ABLIM2: variants seen among roughly 807,000 people sequenced by gnomAD.
The protein encoded by ABLIM2 is actin binding LIM protein family member 2.
A neutral mutation model predicts 97.7 loss-of-function variants in ABLIM2; 53 were observed. The observed-to-expected ratio is 0.54, with a 90% CI of 0.44 to 0.68. The LOEUF is 0.68. ABLIM2 is among the 30% of genes least tolerant of loss of function. The pLI, the probability that ABLIM2 is intolerant of heterozygous loss-of-function variation, is 0.00. For missense variants in ABLIM2, 835 were observed against 867.2 expected (o/e 0.96, Z 0.47); for synonymous variants, 361 against 345.8 (o/e 1.04, Z -0.49).
In ABLIM2 at chr4:8,036,085, G is replaced by A. The variant is rs748953773; in HGVS notation, c.1047+64C>T. The A allele has an allele frequency of 2.5e-5, 39 of 1,578,930 alleles. No individual in the cohort carries two copies. In the African/African-American group the frequency reaches 3.5e-4, roughly 14 times the overall value. ...CCATAGGACACATGCTAGGGATGAC[G>A]CCTGTCCTGCAGGGCAGCACTTGGG... On this transcript the variant is annotated intron_variant, in intron 10 of 20. Coordinates refer to ENST00000447017, the MANE Select transcript of ABLIM2 (RefSeq NM_001130083.2).
intron 17 of ABLIM2, among the ~76,000 whole-genome samples, chr4:7,988,679 A>G (rs1374517725): frequency 2.0e-5 from 3 of 152,226 alleles, no homozygotes; most frequent in Non-Finnish European, 4.4e-5. Context: ...TGTGGGAACC[A>G]TGCTATGGAG....
chr4:7,967,001 G>A lies in ABLIM2; in HGVS notation c.1927C>T (p.Leu643Phe). 6.2e-7 allele frequency: 1 copy of A among 1,613,166 alleles called. No homozygotes were observed. Among genetic ancestry groups the A allele is most frequent in the Admixed American group, 1.7e-5 (1 of 60,016 alleles). The change falls in exon 21 of 21, where the codon CTT becomes TTT. Residue 643 changes from leucine to phenylalanine, a missense_variant. Transcript: ENST00000447017. ...WKRNDLKKKALLF is the reference protein window; with the variant it reads ...WKRNDLKKKAFLF The stretch of plus-strand genomic sequence containing the variant: ...CAGGCTGGCAGCCGTCAGAACAAAA[G>A]GGCTTTCTTCTTAAGGTCATTCCTC...
chr4:8,131,159 A>C (rs1849298875), intron 1 of ABLIM2, among the ~76,000 whole-genome samples: 1 of 152,144 alleles, frequency 6.6e-6, no homozygotes, highest in Admixed American at 6.5e-5. Flanking sequence ...CTTTTTCCAC[A>C]TAAGGCAATA....
At chr4:8,106,692 G>C (rs1181938437) in intron 1 of ABLIM2, 55 bp from the exon 2 acceptor site, 1 of 1,549,656 alleles carries the variant, frequency 6.5e-7, no homozygotes, top group African/African-American at 1.4e-5. Flanking sequence ...AGGCACAAAG[G>C]TGAGCAAAGC....
chr4:7,988,318 C>A (rs113852577), intron 17 of ABLIM2, among the ~76,000 whole-genome samples: 2 of 152,192 alleles, frequency 1.3e-5, no homozygotes, highest in African/African-American at 4.8e-5. Context: ...CCACCACGCC[C>A]GGCCTGTTTA....
chr4:8,136,616 AC>A (rs1850233312), intron 1 of ABLIM2, among the ~76,000 whole-genome samples: 1 of 152,166 alleles, frequency 6.6e-6, no homozygotes, highest in African/African-American at 2.4e-5. Context: ...CCACCTGAGT[AC>A]CCGGGACCCA....
intron 17 of ABLIM2, chr4:7,989,506 T>G: frequency 1.2e-6 from 1 of 839,290 alleles, no homozygotes; most frequent in African/African-American, 1.8e-5. Context: ...CTTTATTCCA[T>G]TATGCCTCCA....
chr4:8,002,492 T>G lies in ABLIM2; in HGVS notation c.1618+5567A>C, dbSNP rs190678348. Among the ~76,000 whole-genome samples the G allele has an allele frequency of 0.017, 2,653 of 152,172 alleles. 30 individuals are homozygous for G. The highest frequency in any genetic ancestry group is 0.064 in the East Asian group (331 of 5,174). ...CACCGTCTATGCAGCTGCCTTCTGA[T>G]GTTTTAAACACAGAAAATGCAACAT... On this transcript the variant is annotated intron_variant, in intron 16 of 20. Transcript: ENST00000447017. The surrounding 1 kb of genome is among the most constrained non-coding windows in gnomAD (Gnocchi z 6.1).
chr4:7,999,551 CA>C lies in ABLIM2; in HGVS notation c.1619-6625del, dbSNP rs1221943808. Among the ~76,000 whole-genome samples the C allele has an allele frequency of 6.6e-6, 1 of 152,214 alleles. No individual in the cohort carries two copies. Among genetic ancestry groups the C allele is most frequent in the Non-Finnish European group, 1.5e-5 (1 of 68,036 alleles). ...AGGAGGGCTCCCTAGCTTCAGGAAC[CA>C]GTAACCCTATCTGCTCCCAAGCCAG... On this transcript the variant is annotated intron_variant, in intron 16 of 20. Coordinates refer to ENST00000447017, the MANE Select transcript of ABLIM2 (RefSeq NM_001130083.2). This position sits in a 1 kb window ranked among gnomAD's most constrained non-coding sequence, Gnocchi z 4.4.
chr4:8,080,304 C>T (rs1402829477), intron 5 of ABLIM2, among the ~76,000 whole-genome samples: 3 of 152,228 alleles, frequency 2.0e-5, no homozygotes, highest in South Asian at 4.1e-4. Flanking sequence ...TCCTGCAGGA[C>T]ATCCAGGCGC....
chr4:8,093,157 C>T (rs1561350927), intron 3 of ABLIM2, among the ~76,000 whole-genome samples: 1 of 152,128 alleles, frequency 6.6e-6, no homozygotes, highest in Non-Finnish European at 1.5e-5. Context: ...TCTCTTTTGC[C>T]CATTTTTAAC....
intron 6 of ABLIM2, among the ~76,000 whole-genome samples, chr4:8,064,873 C>T (rs1038530761): frequency 6.6e-5 from 10 of 152,168 alleles, no homozygotes; most frequent in Non-Finnish European, 1.2e-4. Context: ...GTATAATTCA[C>T]GCACCCCTCT....
At chr4:8,063,084 G>T (rs1804473868) in intron 6 of ABLIM2, among the ~76,000 whole-genome samples, 1 of 152,026 alleles carries the variant, frequency 6.6e-6, no homozygotes, top group Non-Finnish European at 1.5e-5. Flanking sequence ...TCTTTTTTTT[G>T]AGACAGAGTC....
chr4:8,038,865 T>C (rs13147575), intron 9 of ABLIM2, among the ~76,000 whole-genome samples: 36,475 of 152,052 alleles, frequency 0.24, 4,630 homozygotes, highest in Non-Finnish European at 0.28. Flanking sequence ...TACCCACTTA[T>C]CCATGCCACT....
chr4:8,052,296 A>C (rs535139874), intron 8 of ABLIM2, among the ~76,000 whole-genome samples: 1 of 152,234 alleles, frequency 6.6e-6, no homozygotes, highest in African/African-American at 2.4e-5. Flanking sequence ...GGATCTCACA[A>C]ATGGTGCGGG....
chr4:8,004,724 A>C lies in ABLIM2; in HGVS notation c.1618+3335T>G, dbSNP rs1759927144. 6.6e-6 allele frequency among the ~76,000 whole-genome samples: 1 copy of C among 152,218 alleles called. No individual in the cohort carries two copies. Among genetic ancestry groups the C allele is most frequent in the African/African-American group, 2.4e-5 (1 of 41,444 alleles). The stretch of plus-strand genomic sequence containing the variant: ...CGAGTCTTGTTCTAGAAAACTTCCT[A>C]TAACATAAAATCAATAGCCTCCCTT... On this transcript the variant is annotated intron_variant, in intron 16 of 20. Coordinates refer to ENST00000447017, the MANE Select transcript of ABLIM2 (RefSeq NM_001130083.2). This position sits in a 1 kb window ranked among gnomAD's most constrained non-coding sequence, Gnocchi z 5.9.
At chr4:8,052,697 A>G (rs1392444771) in intron 8 of ABLIM2, among the ~76,000 whole-genome samples, 1 of 152,176 alleles carries the variant, frequency 6.6e-6, no homozygotes, top group Non-Finnish European at 1.5e-5. Context: ...GCCTTCCAGG[A>G]AGGGTCCAGA....
At chr4:8,093,724 G>A (rs1184422417) in intron 3 of ABLIM2, among the ~76,000 whole-genome samples, 2 of 152,160 alleles carry the variant, frequency 1.3e-5, no homozygotes, top group African/African-American at 4.8e-5. Context: ...GAGAAGTCTG[G>A]AGTCATACAT....
intron 12 of ABLIM2, among the ~76,000 whole-genome samples, chr4:8,026,309 T>C (rs1051063333): frequency 6.6e-6 from 1 of 152,180 alleles, no homozygotes; most frequent in Non-Finnish European, 1.5e-5. Context: ...GGTGAAGACT[T>C]TGCTTCTTCT....
Sources: gnomAD v4.1 joint callset for allele counts (sites outside exome capture counted in the v4.1 genomes callset) on GRCh38, gnomAD v4.1.1 for gene constraint, Gnocchi (gnomAD v3.1) non-coding constraint, MANE v1.5 for transcripts, NCBI Gene and HGNC (gene_info 2026-07-23, HGNC 2026-07-21) for gene names.